PCOLCE2: variants seen among roughly 807,000 people sequenced by gnomAD.
The protein encoded by PCOLCE2 is procollagen C-endopeptidase enhancer 2, also known as procollagen C-proteinase enhancer 2.
In PCOLCE2, 42 loss-of-function variants were observed where a neutral mutation model predicts 47.0. That is an observed-to-expected ratio of 0.89 (90% CI 0.70 to 1.16). PCOLCE2 has a LOEUF of 1.16. PCOLCE2 is among the 50% of genes most tolerant of loss of function. PCOLCE2 has a pLI of 0.00. For synonymous variants in PCOLCE2, 169 were observed against 191.7 expected (o/e 0.88, Z 0.98); for missense variants, 500 against 526.1 (o/e 0.95, Z 0.49).
At chr3:142,828,587 C>A (rs1410859172) in intron 6 of PCOLCE2, among the ~76,000 whole-genome samples, 2 of 151,956 alleles carry the variant, frequency 1.3e-5, no homozygotes, top group Non-Finnish European at 2.9e-5. Flanking sequence ...ATGCTGTGGA[C>A]GTGCTTGGGA....
At chr3:142,825,115 T>C (rs1341389714) in intron 6 of PCOLCE2, among the ~76,000 whole-genome samples, 1 of 152,166 alleles carries the variant, frequency 6.6e-6, no homozygotes, top group African/African-American at 2.4e-5. Flanking sequence ...GTTCCAGAAG[T>C]TGGGAACCTC....
At chr3:142,867,628 C>A (rs115456003) in intron 2 of PCOLCE2, among the ~76,000 whole-genome samples, 1,840 of 152,016 alleles carry the variant, frequency 0.012, 35 homozygotes, top group African/African-American at 0.041. Context: ...ATCTTATTAG[C>A]CATCAGGGAA....
At chr3:142,827,378 G>C in intron 6 of PCOLCE2, 1 of 1,546,268 alleles carries the variant, frequency 6.5e-7, no homozygotes, top group Non-Finnish European at 8.9e-7. Context: ...ACCAACCACA[G>C]CTCTGTTGGC....
chr3:142,819,757 T>C (rs936798079), intron 8 of PCOLCE2, among the ~76,000 whole-genome samples: 6 of 152,184 alleles, frequency 3.9e-5, no homozygotes, highest in Non-Finnish European at 8.8e-5. Flanking sequence ...GGCATCCTCT[T>C]GCTTCAGCCT....
intron 2 of PCOLCE2, among the ~76,000 whole-genome samples, chr3:142,855,183 T>A (rs2108200900): frequency 6.6e-6 from 1 of 152,336 alleles, no homozygotes; most frequent in East Asian, 1.9e-4. Context: ...CACACAGCCC[T>A]CTTATTTCTT....
intron 5 of PCOLCE2, among the ~76,000 whole-genome samples, chr3:142,832,199 T>C (rs1937158773): frequency 6.6e-6 from 1 of 152,176 alleles, no homozygotes; most frequent in African/African-American, 2.4e-5. Context: ...CACCCTCCTC[T>C]TCATTTCTAC....
At chr3:142,828,510 G>A (rs1019375518) in intron 6 of PCOLCE2, among the ~76,000 whole-genome samples, 2 of 152,116 alleles carry the variant, frequency 1.3e-5, no homozygotes, top group African/African-American at 4.8e-5. Flanking sequence ...GGTGGGAGCG[G>A]GGTAGGGCAT....
At chr3:142,837,046 C>T (rs552995686) in intron 5 of PCOLCE2, among the ~76,000 whole-genome samples, 2 of 152,128 alleles carry the variant, frequency 1.3e-5, no homozygotes, top group African/African-American at 4.8e-5. Flanking sequence ...TAAATGTAAC[C>T]ACAAGTGCCC....
At chr3:142,823,218 A>G (rs901114846) in intron 7 of PCOLCE2, among the ~76,000 whole-genome samples, 5 of 152,254 alleles carry the variant, frequency 3.3e-5, no homozygotes, top group African/African-American at 1.2e-4. Context: ...TACTCTGTAT[A>G]TGAAAAATAT....
chr3:142,833,176 ATT>A (rs144905725), intron 5 of PCOLCE2, among the ~76,000 whole-genome samples: 1 of 150,030 alleles, frequency 6.7e-6, no homozygotes, highest in East Asian at 2.0e-4. Context: ...TACAGTGTGC[ATT>A]TTTTTTTTCT....
intron 2 of PCOLCE2, among the ~76,000 whole-genome samples, chr3:142,875,303 AGTT>A (rs1933477076): frequency 6.6e-6 from 1 of 152,166 alleles, no homozygotes; most frequent in East Asian, 1.9e-4. Flanking sequence ...TCAAAATGCC[AGTT>A]GTTTGGGAGC....
At chr3:142,851,798 A>C (rs562792104) in intron 2 of PCOLCE2, among the ~76,000 whole-genome samples, 2 of 152,272 alleles carry the variant, frequency 1.3e-5, no homozygotes, top group Admixed American at 1.3e-4. Flanking sequence ...AAGGAGAGGA[A>C]TAGGGAGGTA....
chr3:142,844,702 A>C (rs1180647023), intron 3 of PCOLCE2, among the ~76,000 whole-genome samples: 2 of 152,200 alleles, frequency 1.3e-5, no homozygotes, highest in Admixed American at 1.3e-4. Context: ...TCCTCTGTGA[A>C]GTGTCCAAGT....
Position 142,848,467 on chromosome 3 carries a change from G to T in PCOLCE2, c.198C>A (p.Pro66=). 6.3e-7 allele frequency: 1 copy of T among 1,594,730 alleles called. No homozygotes were observed. The highest frequency in any genetic ancestry group is 1.1e-5 in the South Asian group (1 of 90,088). The change falls in exon 3 of 9, where the codon CCC becomes CCA. Residue 66 remains proline (P), a synonymous_variant. Transcript: ENST00000295992. ...NSKCTWKITV[P]EGKVVVLNFR... ...AATTGAGAACGACTACTTTTCCTTC[G>T]GGAACCTGCCAAGAAAAGCGCCAAT...
At chr3:142,821,121 C>T in intron 7 of PCOLCE2, 76 bp from the exon 8 acceptor site, 1 of 1,148,178 alleles carries the variant, frequency 8.7e-7, no homozygotes, top group Non-Finnish European at 1.3e-6. Context: ...AGTTTACATT[C>T]TTCTAAGTTT....
At chr3:142,827,645 A>C in intron 6 of PCOLCE2, 1 of 1,463,906 alleles carries the variant, frequency 6.8e-7, no homozygotes. Flanking sequence ...AGCAATGAAA[A>C]GCTCCGTCCG....
intron 6 of PCOLCE2, chr3:142,827,497 G>C: frequency 6.7e-7 from 1 of 1,500,684 alleles, no homozygotes; most frequent in Non-Finnish European, 9.3e-7. Flanking sequence ...AGGACAGCTT[G>C]CTACGGCCTC....
At chr3:142,882,453 G>C (rs115939831) in intron 2 of PCOLCE2, among the ~76,000 whole-genome samples, 6 of 152,118 alleles carry the variant, frequency 3.9e-5, no homozygotes, top group Admixed American at 2.6e-4. Context: ...GATTTATGCT[G>C]AGAATAACTG....
At chr3:142,885,105 G>A (rs557331468) in intron 2 of PCOLCE2, among the ~76,000 whole-genome samples, 22 of 152,202 alleles carry the variant, frequency 1.4e-4, no homozygotes, top group Admixed American at 5.2e-4. Context: ...AGTCCAACAC[G>A]AAGGACTGGA....
Sources: allele counts gnomAD v4.1 joint callset (sites outside exome capture counted in the v4.1 genomes callset), GRCh38; gene constraint gnomAD v4.1.1; transcripts MANE v1.5; gene names NCBI Gene and HGNC (gene_info 2026-07-23, HGNC 2026-07-21).